Variants in ANKH observed in about 807,000 individuals in gnomAD.
ANKH encodes the protein mineralization regulator ANKH.
ANKH carries 15 observed loss-of-function variants against 49.0 expected under a neutral mutation model. The observed-to-expected ratio is 0.31, with a 90% CI of 0.20 to 0.47. The LOEUF (loss-of-function observed/expected upper bound fraction) is 0.47, where lower values mean the gene tolerates loss of function less well. Ranked by LOEUF, ANKH falls within the 20% of genes least tolerant of loss-of-function variation. The probability of loss-of-function intolerance (pLI) is 1.00; values close to 1 mark genes in which losing one functional copy is unlikely to be tolerated. For synonymous variants in ANKH, 273 were observed against 260.0 expected, an observed-to-expected ratio of 1.05 and a Z score of -0.48; for missense variants, 429 against 652.0, an observed-to-expected ratio of 0.66 and a Z score of 3.72.
intron 1 of ANKH, among the ~76,000 whole-genome samples, chr5:14,813,740 G>T (rs890877747): frequency 6.6e-6 from 1 of 152,112 alleles, no homozygotes; most frequent in East Asian, 1.9e-4. Context: ...TCAGCTCTCC[G>T]TTGCTTCTTG....
chr5:14,723,173 C>T (rs1421205714), intron 8 of ANKH, among the ~76,000 whole-genome samples: 3 of 151,864 alleles, frequency 2.0e-5, no homozygotes, highest in East Asian at 1.9e-4. Flanking sequence ...AAAGAGCTCA[C>T]GAGAAAACAA....
At chr5:14,790,266 A>G (rs1454825357) in intron 1 of ANKH, among the ~76,000 whole-genome samples, 1 of 152,244 alleles carries the variant, frequency 6.6e-6, no homozygotes, top group Non-Finnish European at 1.5e-5. Flanking sequence ...ATAAACTACT[A>G]TATCACCTAA....
At chr5:14,726,355 C>T (rs1048833060) in intron 8 of ANKH, among the ~76,000 whole-genome samples, 6 of 152,086 alleles carry the variant, frequency 3.9e-5, no homozygotes, top group East Asian at 1.9e-4. Context: ...GTCATGGTCA[C>T]GACTCTGGCT....
chr5:14,808,573 T>G (rs1008243775), intron 1 of ANKH, among the ~76,000 whole-genome samples: 5 of 152,222 alleles, frequency 3.3e-5, no homozygotes, highest in African/African-American at 4.8e-5. Context: ...AAGACCAGCC[T>G]GGCCAACATG....
chr5:14,740,584 C>A (rs1015853562), intron 8 of ANKH, among the ~76,000 whole-genome samples: 1 of 152,224 alleles, frequency 6.6e-6, no homozygotes, highest in African/African-American at 2.4e-5. Context: ...GCTGAGGACA[C>A]GAGGTCATGA....
intron 4 of ANKH, among the ~76,000 whole-genome samples, chr5:14,751,536 T>A (rs1484367821): frequency 1.3e-5 from 2 of 152,180 alleles, no homozygotes; most frequent in Non-Finnish European, 2.9e-5. Context: ...TTTAAAAAAA[T>A]TTATGCAATA....
intron 1 of ANKH, among the ~76,000 whole-genome samples, chr5:14,783,289 TACACAC>T (rs57904537): frequency 0.27 from 38,502 of 144,442 alleles, 5,048 homozygotes; most frequent in Admixed American, 0.34. Context: ...GCCACCATTC[TACACAC>T]ACACACACAC....
rs537085361 is a variant in ANKH, at chr5:14,707,203, A to C, written c.*3994T>G. On this transcript the variant is annotated 3_prime_UTR_variant, in exon 12 of 12. Coordinates refer to ENST00000284268, the MANE Select transcript of ANKH (RefSeq NM_054027.6). ...CTGAAGTAGAAAGATTTTTAAATAC[A>C]AGAAAATATTTCTCAAGGAAATGTA... 6.6e-6 allele frequency: 1 copy of C among 152,318 alleles called. No homozygotes were observed. Among genetic ancestry groups the C allele is most frequent in the Admixed American group, 6.5e-5 (1 of 15,296 alleles). 9.4% of individuals were successfully genotyped at this position (152,318 alleles called of 1,614,324 possible). A position where few individuals can be genotyped will look rare whatever the true frequency, so the allele number is the denominator to read the frequency against.
rs1736948078 is a variant in ANKH at position 14,706,440 on chromosome 5, C to T, written c.*4757G>A. On this transcript the variant is annotated 3_prime_UTR_variant, in exon 12 of 12. Transcript: ENST00000284268. ...ATTTAGGAGGCCCACCTTTGATGCTCTTCCCAGCAGAAAGTTGCAAGTTAA... is the reference window on the plus strand; with the variant it reads ...ATTTAGGAGGCCCACCTTTGATGCTTTTCCCAGCAGAAAGTTGCAAGTTAA... 1 of 152,232 alleles carries T rather than the reference C, an allele frequency of 6.6e-6. No homozygotes were observed. The highest frequency in any genetic ancestry group is 2.1e-4 in the South Asian group (1 of 4,830). The allele number at this position is 152,232 out of a possible 1,614,324, so 9.4% of individuals were successfully genotyped here.
intron 1 of ANKH, among the ~76,000 whole-genome samples, chr5:14,866,778 T>A (rs1735657705): frequency 6.6e-6 from 1 of 152,198 alleles, no homozygotes; most frequent in Non-Finnish European, 1.5e-5. Context: ...GACTTAATTA[T>A]CTGGGTAATT....
Position 14,713,965 on chromosome 5 carries a change from C to T in ANKH, c.1142-298G>A, listed in dbSNP as rs1228388802. 6.6e-6 allele frequency among the ~76,000 whole-genome samples: 1 copy of T among 152,270 alleles called. No individual in the cohort carries two copies. The highest frequency in any genetic ancestry group is 2.4e-5 in the African/African-American group (1 of 41,480). On this transcript the variant is annotated intron_variant, in intron 9 of 11. Coordinates refer to ENST00000284268, the MANE Select transcript of ANKH (RefSeq NM_054027.6). The surrounding 1 kb of genome is among the most constrained non-coding windows in gnomAD (Gnocchi z 4.4). ...GCAGCCTAGCTGCTCTTGTCCAGTCCTGTCCCCACACTTGGCCAGCCTCGC... is the reference window on the plus strand; with the variant it reads ...GCAGCCTAGCTGCTCTTGTCCAGTCTTGTCCCCACACTTGGCCAGCCTCGC...
At chr5:14,748,960 T>C (rs919535337) in intron 6 of ANKH, among the ~76,000 whole-genome samples, 10 of 152,252 alleles carry the variant, frequency 6.6e-5, no homozygotes, top group Admixed American at 6.5e-5. Flanking sequence ...ATGTACGACA[T>C]GCATGACAGG....
intron 2 of ANKH, among the ~76,000 whole-genome samples, chr5:14,762,611 G>C (rs1194066480): frequency 6.6e-6 from 1 of 152,074 alleles, no homozygotes; most frequent in East Asian, 1.9e-4. Context: ...TCTGATTATA[G>C]CTATAGAGGT....
rs1179838295 is a variant in ANKH at position 14,710,995 on chromosome 5, A to C, written c.*202T>G. 8.3e-6 allele frequency: 5 copies of C among 603,516 alleles called. No individual in the cohort carries two copies. 37.4% of individuals were successfully genotyped at this position (603,516 alleles called of 1,614,324 possible). The stretch of plus-strand genomic sequence containing the variant: ...TCGTTTGTTTTTACATAGCAACAGT[A>C]AAGACCATTCACTAGGTCCCCCCGT... On this transcript the variant is annotated 3_prime_UTR_variant, in exon 12 of 12. Transcript: ENST00000284268.
chr5:14,852,445 C>T (rs1454617070), intron 1 of ANKH, among the ~76,000 whole-genome samples: 2 of 152,186 alleles, frequency 1.3e-5, no homozygotes, highest in Admixed American at 1.3e-4. Flanking sequence ...CAAGCAGCTA[C>T]TGATAGTGAC....
chr5:14,747,496 G>T (rs1174876490), intron 6 of ANKH, among the ~76,000 whole-genome samples: 1 of 152,156 alleles, frequency 6.6e-6, no homozygotes, highest in African/African-American at 2.4e-5. Flanking sequence ...GGAGATTGAG[G>T]CTGCAGTGAG....
intron 2 of ANKH, among the ~76,000 whole-genome samples, chr5:14,767,224 G>T (rs968483184): frequency 6.6e-6 from 1 of 152,262 alleles, no homozygotes; most frequent in South Asian, 2.1e-4. Context: ...AGGCAGAAAG[G>T]TGAACAAAGA....
chr5:14,814,833 C>A lies in ANKH; in HGVS notation c.97-45642G>T, dbSNP rs1483910630. Among the ~76,000 whole-genome samples, 3 of 152,208 alleles carry A rather than the reference C, an allele frequency of 2.0e-5. No individual in the cohort carries two copies. The East Asian group carries it at 5.8e-4, about 29-fold the overall frequency. On this transcript the variant is annotated intron_variant, in intron 1 of 11. Transcript: ENST00000284268. ...TCTTGGAGTCAATCTGGCTTTATCT[C>A]CCTTCCTCCTCTCTCTAAATAAAAG... is the stretch of plus-strand genomic sequence containing the variant.
At chr5:14,812,749 T>C (rs1290973870) in intron 1 of ANKH, among the ~76,000 whole-genome samples, 1 of 152,230 alleles carries the variant, frequency 6.6e-6, no homozygotes, top group Non-Finnish European at 1.5e-5. Context: ...ATCCTGTTAA[T>C]AAAGTCTTCC....
Sources: gnomAD v4.1 joint callset for allele counts (sites outside exome capture counted in the v4.1 genomes callset) on GRCh38, gnomAD v4.1.1 for gene constraint, Gnocchi (gnomAD v3.1) non-coding constraint, MANE v1.5 for transcripts, NCBI Gene and HGNC (gene_info 2026-07-23, HGNC 2026-07-21) for gene names.